Variants in NCOA2 observed in about 807,000 individuals in gnomAD.
NCOA2 encodes class E basic helix-loop-helix protein 75.
A neutral mutation model predicts 145.1 loss-of-function variants in NCOA2; 21 were observed. That is an observed-to-expected ratio of 0.14 (90% confidence interval 0.10 to 0.21). The LOEUF (loss-of-function observed/expected upper bound fraction) is 0.21. NCOA2 is among the 10% of genes least tolerant of loss of function. NCOA2 has a pLI of 1.00. For missense variants in NCOA2, 1,472 were observed against 1,837.6 expected, an observed-to-expected ratio of 0.80 and a Z score of 3.64; for synonymous variants, 619 against 637.5, an observed-to-expected ratio of 0.97 and a Z score of 0.44.
Position 70,123,482 on chromosome 8 carries a change from G to A in NCOA2, c.4293+402C>T, listed in dbSNP as rs562213044. On this transcript the variant is annotated intron_variant, in intron 21 of 22. Transcript: ENST00000452400. ...CAGTGAGCCAAGATAGTGCCACTGC[G>A]CTCCAGCCTAGGTGACAGAGTGAGA... 7.9e-5 allele frequency among the ~76,000 whole-genome samples: 12 copies of A among 152,206 alleles called. No homozygotes were observed. In the South Asian group the frequency reaches 1.2e-3, roughly 16 times the overall value.
chr8:70,177,919 T>G lies in NCOA2; in HGVS notation c.260-3060A>C, dbSNP rs529625019. 8.5e-5 allele frequency among the ~76,000 whole-genome samples: 13 copies of G among 152,352 alleles called. No homozygotes were observed. In the South Asian group the frequency reaches 2.7e-3, roughly 32 times the overall value. ...TTTCCTATGGTATCTATACTAATGTTGCATTTTTGGGCAAAATAAATACAA... is the reference window on the plus strand; with the variant it reads ...TTTCCTATGGTATCTATACTAATGTGGCATTTTTGGGCAAAATAAATACAA... On this transcript the variant is annotated intron_variant, in intron 4 of 22. Transcript: ENST00000452400.
chr8:70,134,780 T>TCC (rs1809537318), intron 15 of NCOA2, among the ~76,000 whole-genome samples: 1 of 152,156 alleles, frequency 6.6e-6, no homozygotes, highest in Non-Finnish European at 1.5e-5. Flanking sequence ...TTTTTTAATT[T>TCC]AAAAAACCCC....
chr8:70,388,920 G>A (rs1812918893), intron 1 of NCOA2, among the ~76,000 whole-genome samples: 1 of 152,110 alleles, frequency 6.6e-6, no homozygotes, highest in Non-Finnish European at 1.5e-5. Context: ...AGATCTCAGT[G>A]AATTTTTGCA....
intron 1 of NCOA2, among the ~76,000 whole-genome samples, chr8:70,378,970 A>G (rs547272294): frequency 2.0e-5 from 3 of 152,190 alleles, no homozygotes; most frequent in African/African-American, 7.2e-5. Context: ...TGGGTTTCAA[A>G]CCCAGGCAGC....
At chr8:70,407,928 A>G (rs985454408), upstream of NCOA2, among the ~76,000 whole-genome samples, 2 of 152,192 alleles carry the variant, frequency 1.3e-5, no homozygotes, top group African/African-American at 4.8e-5. Context: ...TTCCCACTTG[A>G]AAACACTTAA....
chr8:70,149,711 C>T (rs1237180788), intron 11 of NCOA2, among the ~76,000 whole-genome samples: 1 of 152,116 alleles, frequency 6.6e-6, no homozygotes, highest in African/African-American at 2.4e-5. Flanking sequence ...TAAATATAAC[C>T]TATCTATGTG....
intron 20 of NCOA2, 66 bp from the exon 21 acceptor site, chr8:70,124,148 G>A: frequency 6.8e-7 from 1 of 1,478,596 alleles, no homozygotes; most frequent in African/African-American, 1.4e-5. Flanking sequence ...AGGCAGCTCA[G>A]GGCACTTGTT....
rs111367048 is a variant in NCOA2 at position 70,335,995 on chromosome 8, G to A, written c.-76-39195C>T. 3.3e-3 allele frequency among the ~76,000 whole-genome samples: 507 copies of A among 152,222 alleles called. 4 individuals are homozygous for A. The highest frequency in any genetic ancestry group is 0.012 in the African/African-American group (486 of 41,510). On this transcript the variant is annotated intron_variant, in intron 1 of 22. Coordinates refer to ENST00000452400, the MANE Select transcript of NCOA2 (RefSeq NM_006540.4). ...GAAACATTTTTTTTAAGGTATAGAA[G>A]ATTTTTAAAAAATTATATACCTGCA...
At chr8:70,157,651 T>C (rs903624436) in intron 10 of NCOA2, among the ~76,000 whole-genome samples, 1 of 152,144 alleles carries the variant, frequency 6.6e-6, no homozygotes, top group Non-Finnish European at 1.5e-5. Context: ...TTCCTAACAA[T>C]AGACACATCT....
intron 1 of NCOA2, among the ~76,000 whole-genome samples, chr8:70,336,161 T>C (rs191230532): frequency 1.3e-5 from 2 of 152,264 alleles, no homozygotes; most frequent in Admixed American, 6.5e-5. Flanking sequence ...GGTAGGTTTG[T>C]TTATACCAGC....
At chr8:70,249,017 CG>C (rs1822865588) in intron 2 of NCOA2, among the ~76,000 whole-genome samples, 1 of 152,108 alleles carries the variant, frequency 6.6e-6, no homozygotes, top group African/African-American at 2.4e-5. Context: ...CTCCACCCCC[CG>C]GATGGACATG....
intron 16 of NCOA2, among the ~76,000 whole-genome samples, chr8:70,131,471 C>T (rs1809093495): frequency 6.6e-6 from 1 of 152,188 alleles, no homozygotes; most frequent in South Asian, 2.1e-4. Flanking sequence ...ACACTCACAC[C>T]AACTTCCAGG....
chr8:70,237,255 G>A (rs1474007698), intron 2 of NCOA2, among the ~76,000 whole-genome samples: 1 of 152,050 alleles, frequency 6.6e-6, no homozygotes, highest in Non-Finnish European at 1.5e-5. Context: ...CATGACTAAG[G>A]TCAAACACAG....
At chr8:70,424,348 A>G in the NCOA2 span, 2 of 373,832 alleles carry the variant, frequency 5.3e-6, no homozygotes, top group South Asian at 2.2e-5. Flanking sequence ...CCAGTTGGGG[A>G]TCTTGAATGC....
the NCOA2 span, among the ~76,000 whole-genome samples, chr8:70,422,051 C>T: frequency 0.017 from 2,555 of 151,514 alleles, 260 homozygotes; most frequent in East Asian, 0.29. Flanking sequence ...GCTGAGATTG[C>T]GCCATTACAC....
chr8:70,118,709 A>G (rs1807428884), intron 22 of NCOA2, among the ~76,000 whole-genome samples: 1 of 145,142 alleles, frequency 6.9e-6, no homozygotes, highest in Non-Finnish European at 1.5e-5. Context: ...TTTTTTTGAG[A>G]CAGAGTTTTG....
chr8:70,155,944 C>T (rs1278019807), intron 11 of NCOA2, 27 bp downstream of exon 11: 1 of 1,526,658 alleles, frequency 6.6e-7, no homozygotes, highest in Non-Finnish European at 8.8e-7. Context: ...GATTAGTACA[C>T]CTGCGAGAAG....
At chr8:70,321,666 C>CAT (rs941495533) in intron 1 of NCOA2, among the ~76,000 whole-genome samples, 29 of 152,164 alleles carry the variant, frequency 1.9e-4, no homozygotes, top group African/African-American at 6.7e-4. Flanking sequence ...AGCAAAACAG[C>CAT]ATTCTTTCCT....
At chr8:70,320,737 A>T (rs1363184827) in intron 1 of NCOA2, among the ~76,000 whole-genome samples, 1 of 152,198 alleles carries the variant, frequency 6.6e-6, no homozygotes, top group Non-Finnish European at 1.5e-5. Context: ...CTCTGTTAAA[A>T]AAAAGGTTTT....
Sources: gnomAD v4.1 joint callset for allele counts (sites outside exome capture counted in the v4.1 genomes callset) on GRCh38, gnomAD v4.1.1 for gene constraint, MANE v1.5 for transcripts, NCBI Gene and HGNC (gene_info 2026-07-23, HGNC 2026-07-21) for gene names.